Variants in SYTL2 observed in about 807,000 individuals in gnomAD.
SYTL2 encodes the protein synaptotagmin like 2, also known as synaptotagmin-like protein 2.
In SYTL2, 165 loss-of-function variants were observed where a neutral mutation model predicts 198.7. The ratio of observed to expected loss-of-function variants is 0.83; its 90% confidence interval spans 0.73 to 0.94. The LOEUF (loss-of-function observed/expected upper bound fraction) is 0.94, where lower values mean the gene tolerates loss of function less well. Among genes scored for constraint, SYTL2 ranks in the 40% least tolerant of loss-of-function variants. The pLI is 0.00. For synonymous variants in SYTL2, 966 were observed against 917.7 expected, an observed-to-expected ratio of 1.05 and a Z score of -0.95; for missense variants, 2,835 against 2,582.8, an observed-to-expected ratio of 1.10 and a Z score of -2.12.
At chr11:85,760,530 CT>C (rs1368850532) in intron 1 of SYTL2, among the ~76,000 whole-genome samples, 1 of 152,140 alleles carries the variant, frequency 6.6e-6, no homozygotes, top group Non-Finnish European at 1.5e-5. Flanking sequence ...CAGTAACTTC[CT>C]TAGATCTCAA....
At chr11:85,752,149 A>G (rs748346250) in intron 2 of SYTL2, among the ~76,000 whole-genome samples, 2 of 152,188 alleles carry the variant, frequency 1.3e-5, no homozygotes, top group Non-Finnish European at 2.9e-5. Context: ...GACCTGGTTC[A>G]TAGTATTTAG....
chr11:85,813,930 C>T (rs2093058497), upstream of SYTL2, among the ~76,000 whole-genome samples: 1 of 152,150 alleles, frequency 6.6e-6, no homozygotes, highest in African/African-American at 2.4e-5. Context: ...GCAATGTTGA[C>T]CTCTTGAGCT....
the SYTL2 span, among the ~76,000 whole-genome samples, chr11:85,843,656 G>A: frequency 1.3e-5 from 2 of 152,108 alleles, no homozygotes; most frequent in East Asian, 3.9e-4. Flanking sequence ...CTGGTTACAT[G>A]GGAAATGTGA....
At chr11:85,749,476 G>A (rs2091379726) in intron 2 of SYTL2, among the ~76,000 whole-genome samples, 1 of 152,296 alleles carries the variant, frequency 6.6e-6, no homozygotes, top group South Asian at 2.1e-4. Context: ...TGCATGTAAG[G>A]GTTGCACACA....
chr11:85,782,914 A>G (rs2092583919), intron 1 of SYTL2, among the ~76,000 whole-genome samples: 1 of 152,216 alleles, frequency 6.6e-6, no homozygotes, highest in Non-Finnish European at 1.5e-5. Flanking sequence ...GGTCAAAACC[A>G]TTCAACAAGT....
intron 11 of SYTL2, among the ~76,000 whole-genome samples, chr11:85,716,851 T>C (rs1007334647): frequency 1.3e-5 from 2 of 152,096 alleles, no homozygotes; most frequent in African/African-American, 4.8e-5. Flanking sequence ...CGAACAAACA[T>C]TATCTTTGCT....
chr11:85,781,797 G>A (rs555323990), intron 1 of SYTL2, among the ~76,000 whole-genome samples: 1 of 152,276 alleles, frequency 6.6e-6, no homozygotes, highest in South Asian at 2.1e-4. Context: ...CTCATATCTA[G>A]GTCATGCTGA....
the SYTL2 span, chr11:85,853,016 G>A: frequency 8.2e-5 from 26 of 315,736 alleles, no homozygotes; most frequent in East Asian, 1.1e-3. Context: ...GAGCCCCTGC[G>A]CCCGGCAGCC....
intron 1 of SYTL2, among the ~76,000 whole-genome samples, chr11:85,787,684 T>G (rs1181541990): frequency 7.7e-6 from 1 of 130,620 alleles, no homozygotes; most frequent in East Asian, 2.2e-4. Flanking sequence ...TTCTTTTTTC[T>G]GTTTTTTTTT....
chr11:85,833,329 A>G, the SYTL2 span, among the ~76,000 whole-genome samples: 1 of 148,132 alleles, frequency 6.8e-6, no homozygotes, highest in Non-Finnish European at 1.5e-5. Context: ...CACAATATAT[A>G]TCATATATAT....
chr11:85,826,877 G>C, the SYTL2 span, among the ~76,000 whole-genome samples: 1 of 152,220 alleles, frequency 6.6e-6, no homozygotes, highest in African/African-American at 2.4e-5. Flanking sequence ...GTGAAAGTGG[G>C]AAAGTGAAAT....
chr11:85,763,083 C>G (rs1381421336), intron 1 of SYTL2, among the ~76,000 whole-genome samples: 2 of 152,210 alleles, frequency 1.3e-5, no homozygotes, highest in African/African-American at 4.8e-5. Flanking sequence ...CCAGATCTTT[C>G]ACATCATTCT....
intron 1 of SYTL2, among the ~76,000 whole-genome samples, chr11:85,783,001 T>C (rs1453998912): frequency 1.3e-5 from 2 of 152,232 alleles, no homozygotes; most frequent in South Asian, 4.1e-4. Flanking sequence ...CTCTGTCTGT[T>C]ACACAGTTCC....
At chr11:85,791,169 A>C (rs922475277) in intron 1 of SYTL2, among the ~76,000 whole-genome samples, 2 of 102,814 alleles carry the variant, frequency 1.9e-5, no homozygotes, top group Non-Finnish European at 4.5e-5. Context: ...TCTGCCTCAA[A>C]AAAAAAAAAA....
Position 85,724,479 on chromosome 11 carries a change from C to G in SYTL2, c.4879G>C (p.Gly1627Arg). ...QTSEMKDKSN[G>R]LESQVNQCDK... ...CATTGGTTGACTTGAGATTCCAAAC[C>G]ATTACTTTTATCCTTCATTTCAGAG... Residue 1627 changes from glycine to arginine, a missense_variant, in exon 8 of 20, where the codon GGT (glycine) becomes CGT (arginine). By Grantham distance (125) the Gly-to-Arg change is moderately radical (BLOSUM62 -2). This residue lies in a region of SYTL2 where 2,645 missense variants were observed against 2,381.7 expected (regional missense o/e 1.11). Coordinates refer to ENST00000359152, the MANE Select transcript of SYTL2 (RefSeq NM_206927.4). 2 of 1,613,734 alleles carry G rather than the reference C, an allele frequency of 1.2e-6. No individual in the cohort carries two copies. Among genetic ancestry groups the G allele is most frequent in the Non-Finnish European group, 1.7e-6 (2 of 1,179,948 alleles).
Position 85,714,807 on chromosome 11 carries a change from G to C in SYTL2, c.5531-300C>G, listed in dbSNP as rs530206245. 1.2e-5 allele frequency: 7 copies of C among 567,128 alleles called. No individual in the cohort carries two copies. In the East Asian group the frequency reaches 2.9e-4, roughly 23 times the overall value. The allele number at this position is 567,128 out of a possible 1,614,324, so 35.1% of individuals were successfully genotyped here. On this transcript the variant is annotated intron_variant, in intron 11 of 19. Coordinates refer to ENST00000359152, the MANE Select transcript of SYTL2 (RefSeq NM_206927.4). Reference sequence around the variant, plus strand: ...TCAAATTATACTGTCAGTGTGAATTGGTTTAGCTTATTTTTTCACAACAGA... The same window carrying C: ...TCAAATTATACTGTCAGTGTGAATTCGTTTAGCTTATTTTTTCACAACAGA...
the SYTL2 span, among the ~76,000 whole-genome samples, chr11:85,850,968 C>G: frequency 1.4e-5 from 2 of 141,264 alleles, no homozygotes; most frequent in Non-Finnish European, 3.0e-5. Context: ...CAGGTGGGAA[C>G]TGAACAATGA....
chr11:85,704,846 T>C lies in SYTL2; in HGVS notation c.6189+12A>G. On this transcript the variant is annotated intron_variant, in intron 16 of 19. Coordinates refer to ENST00000359152, the MANE Select transcript of SYTL2 (RefSeq NM_206927.4). Reference sequence around the variant, plus strand: ...ACCAACCAAATAAACAAACAAAAAATTCCGGACTCACCTTCCGCTTCAGAG... The same window carrying C: ...ACCAACCAAATAAACAAACAAAAAACTCCGGACTCACCTTCCGCTTCAGAG... 6.2e-7 allele frequency: 1 copy of C among 1,609,610 alleles called. No individual in the cohort carries two copies. Among genetic ancestry groups the C allele is most frequent in the Non-Finnish European group, 8.5e-7 (1 of 1,177,304 alleles).
In SYTL2 at chr11:85,704,941, CT is replaced by C. The variant is rs1237510730; in HGVS notation, c.6105del (p.Glu2037ArgfsTer19). 6.2e-7 allele frequency: 1 copy of C among 1,613,682 alleles called. No homozygotes were observed. Among genetic ancestry groups the C allele is most frequent in the South Asian group, 1.1e-5 (1 of 91,044 alleles). On this transcript the variant is annotated frameshift_variant, in exon 16 of 20. Coordinates refer to ENST00000359152, the MANE Select transcript of SYTL2 (RefSeq NM_206927.4). LOFTEE classifies it high-confidence loss of function. ...HRDTFKRNSFLGEVELDLETW... is the reference protein window; with the variant it reads ...HRDTFKRNSFXGEVELDLETW... ...GTTTCCAAATCAAGTTCCACCTCCC[CT>C]AGGAAACTATTGCGCTTAAATGTAT... is the stretch of plus-strand genomic sequence containing the variant.
Sources: allele counts gnomAD v4.1 joint callset (sites outside exome capture counted in the v4.1 genomes callset), GRCh38; gene constraint gnomAD v4.1.1; regional missense constraint gnomAD v4.1.1; transcripts MANE v1.5; gene names NCBI Gene and HGNC (gene_info 2026-07-23, HGNC 2026-07-21).